Variants in AKAP13 observed in about 807,000 individuals in gnomAD.
AKAP13 encodes the protein A-kinase anchor protein 13.
AKAP13 carries 80 observed loss-of-function variants against 264.5 expected under a neutral mutation model. The ratio of observed to expected loss-of-function variants is 0.30; its 90% CI spans 0.25 to 0.36. The LOEUF (loss-of-function observed/expected upper bound fraction) is 0.36. Ranked by LOEUF, AKAP13 falls within the 10% of genes least tolerant of loss-of-function variation. The pLI is 1.00. For missense variants in AKAP13, 3,712 were observed against 3,435.2 expected, an observed-to-expected ratio of 1.08 and a Z score of -2.01; for synonymous variants, 1,380 against 1,250.2, an observed-to-expected ratio of 1.10 and a Z score of -2.19.
intron 1 of AKAP13, among the ~76,000 whole-genome samples, chr15:85,438,955 A>G (rs568770928): frequency 3.2e-3 from 464 of 145,388 alleles, no homozygotes; most frequent in Non-Finnish European, 5.2e-3. Flanking sequence ...AACAAAAGCC[A>G]AAATTGACAA....
chr15:85,562,654 T>TTATC (rs1198974192), intron 5 of AKAP13, among the ~76,000 whole-genome samples: 1 of 146,174 alleles, frequency 6.8e-6, no homozygotes, highest in East Asian at 2.0e-4. Context: ...AAAACTGCTG[T>TTATC]TATCCCACTT....
intron 1 of AKAP13, among the ~76,000 whole-genome samples, chr15:85,456,888 A>G (rs1296287206): frequency 6.6e-6 from 1 of 152,174 alleles, no homozygotes; most frequent in African/African-American, 2.4e-5. Context: ...AACCTTCTCT[A>G]AAAATTTCAT....
chr15:85,710,405 G>A (rs919679414), intron 18 of AKAP13, 174 bp from the exon 19 acceptor site: 24 of 546,398 alleles, frequency 4.4e-5, no homozygotes, highest in African/African-American at 2.9e-4. Context: ...ATTGGAGTAC[G>A]TGGCAGGCTT....
chr15:85,421,662 A>G (rs956590276), intron 1 of AKAP13, among the ~76,000 whole-genome samples: 6 of 152,154 alleles, frequency 3.9e-5, no homozygotes, highest in Admixed American at 1.3e-4. Context: ...ACTCTTGTCC[A>G]GATTTTCATA....
intron 5 of AKAP13, among the ~76,000 whole-genome samples, chr15:85,545,415 A>C (rs1196008764): frequency 1.3e-5 from 2 of 152,264 alleles, no homozygotes; most frequent in Non-Finnish European, 2.9e-5. Context: ...AGGGGATGTC[A>C]CAAGACTGTT....
intron 1 of AKAP13, among the ~76,000 whole-genome samples, chr15:85,406,484 G>T (rs747907219): frequency 6.8e-6 from 1 of 147,566 alleles, no homozygotes; most frequent in Non-Finnish European, 1.5e-5. Context: ...CATATTGCTC[G>T]TTGCTGGACA....
chr15:85,638,877 C>G (rs564163478), intron 8 of AKAP13, among the ~76,000 whole-genome samples: 244 of 152,164 alleles, frequency 1.6e-3, no homozygotes, highest in African/African-American at 5.7e-3. Context: ...GTGCCTCAGC[C>G]TCCTGAGTAG....
intron 17 of AKAP13, among the ~76,000 whole-genome samples, chr15:85,698,318 T>C (rs1450087262): frequency 6.6e-6 from 1 of 151,578 alleles, no homozygotes; most frequent in Non-Finnish European, 1.5e-5. Flanking sequence ...ATACAAAAGT[T>C]AGTCGGGCAT....
At chr15:85,619,313 G>A in intron 8 of AKAP13, 1 of 966,410 alleles carries the variant, frequency 1.0e-6, no homozygotes, top group Non-Finnish European at 1.2e-6. Context: ...GTTCTTGAGA[G>A]AGAAGGAAAA....
chr15:85,658,585 G>C lies in AKAP13; in HGVS notation c.4794G>C (p.Arg1598Ser), dbSNP rs1428030373. The change falls in exon 12 of 37, where the codon AGG (arginine) becomes AGC (serine). Residue 1598 changes from arginine (R) to serine (S), a missense_variant. Arg to Ser is a moderately radical substitution (Grantham distance 110, BLOSUM62 -1). Around this residue, in one of 3 missense-constraint regions of AKAP13, gnomAD observed 2,759 missense variants for 2,411.7 expected, o/e 1.14. Coordinates refer to ENST00000394518, the MANE Select transcript of AKAP13 (RefSeq NM_007200.5). The part of the protein sequence containing the change: ...GDVVRRPPIH[R>S]RSFSLEGLTG... ...TTGTCAGGAGACCTCCCATTCATAG[G>C]AGAAGGTACAGAGTTCATTAACTTG... 2.5e-6 allele frequency: 4 copies of C among 1,613,698 alleles called. No homozygotes were observed. In the Admixed American group the frequency reaches 6.7e-5, roughly 27 times the overall value.
At position 85,644,006 on chromosome 15, in the gene AKAP13, A is replaced by T. The variant is rs188632307; in HGVS notation, c.4238-1812A>T. 4.6e-5 allele frequency among the ~76,000 whole-genome samples: 7 copies of T among 152,214 alleles called. No homozygotes were observed. The East Asian group carries it at 1.4e-3, about 29-fold the overall frequency. On this transcript the variant is annotated intron_variant, in intron 9 of 36. Coordinates refer to ENST00000394518, the MANE Select transcript of AKAP13 (RefSeq NM_007200.5). ...CTATTTACTAATAGAGACTAAAACT[A>T]TTAGTGTTTCTTTGGTTTTGTCATC...
intron 17 of AKAP13, among the ~76,000 whole-genome samples, chr15:85,701,504 A>G (rs1442454918): frequency 6.6e-6 from 1 of 152,110 alleles, no homozygotes; most frequent in African/African-American, 2.4e-5. Context: ...CAGTGGCGCA[A>G]TCTCGGCTCA....
intron 1 of AKAP13, among the ~76,000 whole-genome samples, chr15:85,420,364 C>T (rs2072468824): frequency 6.6e-6 from 1 of 152,098 alleles, no homozygotes; most frequent in African/African-American, 2.4e-5. Flanking sequence ...ATATCTGGCC[C>T]ATGACTTTGG....
intron 2 of AKAP13, 26 bp from the exon 3 acceptor site, chr15:85,521,402 A>G: frequency 1.2e-6 from 2 of 1,610,850 alleles, no homozygotes; most frequent in Non-Finnish European, 1.7e-6. Context: ...ACTAATGTAA[A>G]CTTGCTATAT....
At position 85,730,678 on chromosome 15, in the gene AKAP13, G is replaced by A. The variant is rs1462346237; in HGVS notation, c.7253G>A (p.Gly2418Glu). ...RSNTEEALKG[G>E]PLMKSAINEV... ...AACACAGAAGAGGCTCTCAAAGGAG[G>A]ACCTTTAATGAAAAGTGCAATAAAT... The change falls in exon 30 of 37, where the codon GGA becomes GAA. Residue 2418 changes from glycine to glutamate, a missense_variant. By Grantham distance (98) the Gly-to-Glu change is moderately conservative (BLOSUM62 -2). Transcript: ENST00000394518. 2 of 1,613,680 alleles carry A rather than the reference G, an allele frequency of 1.2e-6. No homozygotes were observed.
At chr15:85,515,578 G>A (rs1222056215) in intron 2 of AKAP13, among the ~76,000 whole-genome samples, 1 of 139,094 alleles carries the variant, frequency 7.2e-6, no homozygotes, top group Non-Finnish European at 1.5e-5. Flanking sequence ...CCAAAATCAT[G>A]TGTTGTGTTT....
At position 85,543,812 on chromosome 15, in the gene AKAP13, G is replaced by C; in HGVS notation, c.519G>C (p.Arg173=). ...PRETLMHFAV[R]LGLLRLTWFL... ...AGACATTGATGCATTTTGCTGTGCG[G>C]CTGGGACTGCTGAGGTTGACGTGGT... Residue 173 remains arginine (R), a synonymous_variant, in exon 5 of 37, where the codon CGG becomes CGC. Transcript: ENST00000394518. 6.2e-7 allele frequency: 1 copy of C among 1,613,782 alleles called. No individual in the cohort carries two copies. Among genetic ancestry groups the C allele is most frequent in the East Asian group, 2.2e-5 (1 of 44,874 alleles).
chr15:85,738,966 C>T (rs1054781917), intron 33 of AKAP13, among the ~76,000 whole-genome samples: 6 of 151,596 alleles, frequency 4.0e-5, no homozygotes, highest in East Asian at 1.9e-4. Flanking sequence ...AGCAATACTT[C>T]GTAGAGCTTC....
chr15:85,395,618 T>C (rs1271585084), intron 1 of AKAP13, among the ~76,000 whole-genome samples: 1 of 152,208 alleles, frequency 6.6e-6, no homozygotes, highest in African/African-American at 2.4e-5. Flanking sequence ...GGGAGACTTT[T>C]CGATAGGACA....
Sources: allele counts gnomAD v4.1 joint callset (sites outside exome capture counted in the v4.1 genomes callset), GRCh38; gene constraint gnomAD v4.1.1; regional missense constraint gnomAD v4.1.1; transcripts MANE v1.5; gene names NCBI Gene and HGNC (gene_info 2026-07-23, HGNC 2026-07-21).